Variants in ABCA13 observed in about 807,000 individuals in gnomAD.
The protein encoded by ABCA13 is ATP binding cassette subfamily A member 13, also known as ATP-binding cassette sub-family A member 13.
A neutral mutation model predicts 478.7 loss-of-function variants in ABCA13; 476 were observed. The ratio of observed to expected loss-of-function variants is 0.99; its 90% CI spans 0.92 to 1.07. The LOEUF (loss-of-function observed/expected upper bound fraction) is 1.07, where lower values mean the gene tolerates loss of function less well. Among genes scored for constraint, ABCA13 ranks in the 50% least tolerant of loss-of-function variants. The probability of loss-of-function intolerance (pLI) is 0.00; values close to 1 mark genes in which losing one functional copy is unlikely to be tolerated. For synonymous variants in ABCA13, 2,252 were observed against 2,158.9 expected, an observed-to-expected ratio of 1.04 and a Z score of -1.20; for missense variants, 6,060 against 5,910.6, an observed-to-expected ratio of 1.03 and a Z score of -0.83.
At chr7:48,335,060 C>T (rs1806036779) in intron 27 of ABCA13, among the ~76,000 whole-genome samples, 1 of 152,054 alleles carries the variant, frequency 6.6e-6, no homozygotes, top group African/African-American at 2.4e-5. Flanking sequence ...GTGTTGGGTA[C>T]CATTAAACAA....
At chr7:48,328,118 A>G (rs914478961) in intron 27 of ABCA13, among the ~76,000 whole-genome samples, 2 of 152,234 alleles carry the variant, frequency 1.3e-5, no homozygotes, top group African/African-American at 4.8e-5. Flanking sequence ...AAGGTGAAAA[A>G]TGCCAGTGAA....
At position 48,272,628 on chromosome 7, in the gene ABCA13, C is replaced by G; in HGVS notation, c.2962C>G (p.Leu988Val). ...GAGTAGAGGCTCTTCGTTGACTTTC[C>G]TTACACAAATCTCAAAACACATTTT... The part of the protein sequence containing the change: ...IQSRGSSLTF[L>V]TQISKHILDI... The change falls in exon 17 of 62, where the codon CTT (leucine) becomes GTT (valine). Residue 988 changes from leucine to valine, a missense_variant. By Grantham distance (32) the Leu-to-Val change is conservative. Around this residue, in one of 3 missense-constraint regions of ABCA13, gnomAD observed 4,423 missense variants for 4,309.1 expected, o/e 1.03. Transcript: ENST00000435803. 2 of 1,613,090 alleles carry G rather than the reference C, an allele frequency of 1.2e-6. No individual in the cohort carries two copies. The highest frequency in any genetic ancestry group is 1.7e-6 in the Non-Finnish European group (2 of 1,179,426).
intron 55 of ABCA13, among the ~76,000 whole-genome samples, chr7:48,544,474 T>A (rs4296993): frequency 6.6e-6 from 1 of 151,406 alleles, no homozygotes; most frequent in African/African-American, 2.4e-5. Context: ...AAGGTTAAGT[T>A]GATCACAAAT....
chr7:48,292,839 C>A (rs1382474895), intron 20 of ABCA13, among the ~76,000 whole-genome samples: 1 of 152,190 alleles, frequency 6.6e-6, no homozygotes, highest in Non-Finnish European at 1.5e-5. Context: ...GGGTTGTGAA[C>A]CTCATGGAGG....
intron 56 of ABCA13, among the ~76,000 whole-genome samples, chr7:48,580,699 C>T (rs2131365217): frequency 6.6e-6 from 1 of 152,258 alleles, no homozygotes; most frequent in African/African-American, 2.4e-5. Context: ...GAACTACAAA[C>T]TTGTATTCAG....
intron 48 of ABCA13, among the ~76,000 whole-genome samples, chr7:48,493,715 T>C: frequency 6.6e-6 from 1 of 152,238 alleles, no homozygotes; most frequent in East Asian, 1.9e-4. Context: ...TCCATGGTCA[T>C]TAAACTGTCT....
intron 8 of ABCA13, among the ~76,000 whole-genome samples, chr7:48,237,501 C>T (rs1007417099): frequency 2.0e-5 from 3 of 152,218 alleles, no homozygotes; most frequent in African/African-American, 7.2e-5. Context: ...CAGCCAGCCT[C>T]TGAGGCTAGA....
At chr7:48,367,722 G>A in intron 31 of ABCA13, 72 bp from the exon 32 acceptor site, 3 of 1,216,000 alleles carry the variant, frequency 2.5e-6, no homozygotes, top group South Asian at 2.6e-5. Flanking sequence ...TTCTAACTTG[G>A]AAGAAAAATG....
intron 48 of ABCA13, among the ~76,000 whole-genome samples, chr7:48,503,518 A>G (rs145487751): frequency 1.3e-3 from 191 of 152,352 alleles, no homozygotes; most frequent in African/African-American, 4.1e-3. Flanking sequence ...AGTTCCACAC[A>G]TAAATGAGAT....
At chr7:48,487,710 TA>T (rs1425390553) in intron 47 of ABCA13, among the ~76,000 whole-genome samples, 1 of 152,158 alleles carries the variant, frequency 6.6e-6, no homozygotes, top group Non-Finnish European at 1.5e-5. Flanking sequence ...TCTACCAGAT[TA>T]GCCTGTCCCT....
In ABCA13 at chr7:48,460,203, G is replaced by T. The variant is rs146602733; in HGVS notation, c.12815+4917G>T. Among the ~76,000 whole-genome samples the T allele has an allele frequency of 4.8e-3, 726 of 152,306 alleles. 8 individuals carry two copies. The highest frequency in any genetic ancestry group is 0.017 in the African/African-American group (700 of 41,544). ...CTGTCACCATCCCCTTCTCCTGTTA[G>T]CATGCCAGCAGAAACTGGGTGCGTT... is the stretch of plus-strand genomic sequence containing the variant. On this transcript the variant is annotated intron_variant, in intron 43 of 61. Transcript: ENST00000435803.
chr7:48,538,687 G>A (rs1184575732), intron 55 of ABCA13, among the ~76,000 whole-genome samples: 1 of 151,998 alleles, frequency 6.6e-6, no homozygotes, highest in Non-Finnish European at 1.5e-5. Flanking sequence ...GTAGAACTTT[G>A]GTAGCTAACT....
In ABCA13 at chr7:48,367,918, CT is replaced by C; in HGVS notation, c.10803+12del. The C allele has an allele frequency of 6.5e-7, 1 of 1,549,486 alleles. No homozygotes were observed. The highest frequency in any genetic ancestry group is 8.7e-7 in the Non-Finnish European group (1 of 1,143,328). ...GATACAGATAGAAGAGGTAAATATC[CT>C]TAAACCTTGCCTGGGAGACAAAGAT... On this transcript the variant is annotated intron_variant, in intron 32 of 61. Transcript: ENST00000435803.
chr7:48,476,342 G>A (rs1373685464), intron 45 of ABCA13, among the ~76,000 whole-genome samples: 1 of 152,194 alleles, frequency 6.6e-6, no homozygotes, highest in Non-Finnish European at 1.5e-5. Context: ...AAAAGGGCCT[G>A]GCTGCTCGCT....
intron 39 of ABCA13, chr7:48,404,654 A>C (rs768132446): frequency 5.9e-5 from 9 of 152,302 alleles, no homozygotes; most frequent in Non-Finnish European, 1.2e-4. Context: ...TTTGCAAAGG[A>C]AGAAATAAAG....
At chr7:48,359,328 A>G (rs1031309205) in intron 31 of ABCA13, among the ~76,000 whole-genome samples, 1 of 151,884 alleles carries the variant, frequency 6.6e-6, no homozygotes, top group Non-Finnish European at 1.5e-5. Context: ...CAGGAACACT[A>G]GAGTCTTAAA....
intron 41 of ABCA13, among the ~76,000 whole-genome samples, chr7:48,423,036 A>G (rs562273652): frequency 3.7e-4 from 56 of 152,308 alleles, no homozygotes; most frequent in African/African-American, 1.2e-3. Flanking sequence ...TACTAAATAC[A>G]TTGTCTTAAG....
rs59978670 is a variant in ABCA13 at position 48,363,390 on chromosome 7, G to A, written c.10689-4404G>A. On this transcript the variant is annotated intron_variant, in intron 31 of 61. Transcript: ENST00000435803. ...GGCAAGCTGCCAGTAGCTTGAAAAC[G>A]CAATAAATTTTATAAGAGTATGTTT... is the stretch of plus-strand genomic sequence containing the variant. 5.4e-3 allele frequency among the ~76,000 whole-genome samples: 815 copies of A among 152,054 alleles called. 13 individuals are homozygous for A. The highest frequency in any genetic ancestry group is 0.019 in the African/African-American group (779 of 41,492).
intron 52 of ABCA13, among the ~76,000 whole-genome samples, chr7:48,518,542 C>T (rs1009162675): frequency 6.6e-6 from 1 of 152,020 alleles, no homozygotes; most frequent in Admixed American, 6.6e-5. Context: ...AATCAACAGG[C>T]AATGAAGTGT....
Sources: allele counts gnomAD v4.1 joint callset (sites outside exome capture counted in the v4.1 genomes callset), GRCh38; gene constraint gnomAD v4.1.1; regional missense constraint gnomAD v4.1.1; transcripts MANE v1.5; gene names NCBI Gene and HGNC (gene_info 2026-07-23, HGNC 2026-07-21).